PRRX1: variants seen among roughly 807,000 people sequenced by gnomAD.
The protein encoded by PRRX1 is paired related homeobox 1, also known as paired mesoderm homeobox protein 1.
Under a neutral mutation model 24.0 loss-of-function variants are expected in PRRX1, and 8 were observed. The ratio of observed to expected loss-of-function variants is 0.33; its 90% CI spans 0.20 to 0.60. PRRX1 has a LOEUF of 0.60. PRRX1 is among the 20% of genes least tolerant of loss of function. The pLI, the probability that PRRX1 is intolerant of heterozygous loss-of-function variation, is 0.82. For synonymous variants in PRRX1, 160 were observed against 131.7 expected, an observed-to-expected ratio of 1.22 and a Z score of -1.47; for missense variants, 281 against 322.4, an observed-to-expected ratio of 0.87 and a Z score of 0.98.
intron 1 of PRRX1, among the ~76,000 whole-genome samples, chr1:170,666,417 CAA>C (rs35075394): frequency 0.011 from 857 of 75,872 alleles, 10 homozygotes; most frequent in African/African-American, 0.04. Flanking sequence ...GACTCCGTCT[CAA>C]AAAAAAAAAA....
At chr1:170,691,796 G>T (rs2101898582) in intron 1 of PRRX1, among the ~76,000 whole-genome samples, 1 of 152,026 alleles carries the variant, frequency 6.6e-6, no homozygotes, top group African/African-American at 2.4e-5. Context: ...TAGTCCAAAT[G>T]GTTTAACGTA....
At chr1:170,673,874 C>G (rs1365822169) in intron 1 of PRRX1, among the ~76,000 whole-genome samples, 1 of 152,186 alleles carries the variant, frequency 6.6e-6, no homozygotes, top group Non-Finnish European at 1.5e-5. Context: ...GTTTAAGTCT[C>G]TATCCTGGCT....
intron 1 of PRRX1, among the ~76,000 whole-genome samples, chr1:170,717,459 G>T (rs1260485599): frequency 6.6e-6 from 1 of 152,218 alleles, no homozygotes; most frequent in Non-Finnish European, 1.5e-5. Context: ...TTTATAATTT[G>T]TGGTTGCACC....
At position 170,736,758 on chromosome 1, in the gene PRRX1, G is replaced by GT. The variant is rs58473244; in HGVS notation, c.*577dup. The GT allele has an allele frequency of 0.27, 51,715 of 190,212 alleles. 7,580 individuals are homozygous for GT. The highest frequency in any genetic ancestry group is 0.42 in the Middle Eastern group (221 of 532). 11.8% of individuals were successfully genotyped at this position (190,212 alleles called of 1,614,324 possible). On this transcript the variant is annotated 3_prime_UTR_variant, in exon 4 of 4. Coordinates refer to ENST00000239461, the MANE Select transcript of PRRX1 (RefSeq NM_022716.4). ...CTCCATCTTTGTTGGTCATGGTAAG[G>GT]TTTTTCCATCAGCCTCTGAAAAAAT...
At chr1:170,733,056 T>C (rs1655488984) in intron 3 of PRRX1, among the ~76,000 whole-genome samples, 1 of 152,166 alleles carries the variant, frequency 6.6e-6, no homozygotes, top group South Asian at 2.1e-4. Context: ...CATTAATTTG[T>C]TTTTGAGATA....
chr1:170,726,757 C>T, intron 3 of PRRX1: 1 of 194,792 alleles, frequency 5.1e-6, no homozygotes, highest in Non-Finnish European at 1.1e-5. Flanking sequence ...CAAATTTAAG[C>T]TAAATTCGTT....
At position 170,731,358 on chromosome 1, in the gene PRRX1, T is replaced by C. The variant is rs143559066; in HGVS notation, c.600-4690T>C. Among the ~76,000 whole-genome samples the C allele has an allele frequency of 7.4e-3, 1,122 of 152,294 alleles. 10 individuals are homozygous for C. Among genetic ancestry groups the C allele is most frequent in the African/African-American group, 0.026 (1,079 of 41,570 alleles). ...AACCCAAGGATTTCAGGAAAACTCA[T>C]AGACTTCTCGGCTGACAGATTTGTC... On this transcript the variant is annotated intron_variant, in intron 3 of 3. Transcript: ENST00000239461.
intron 1 of PRRX1, among the ~76,000 whole-genome samples, chr1:170,701,541 G>T (rs1334391497): frequency 2.6e-5 from 4 of 152,020 alleles, no homozygotes; most frequent in African/African-American, 7.2e-5. Flanking sequence ...TGCTTGTTTT[G>T]TTCAAGAATT....
Position 170,705,919 on chromosome 1 carries a change from CACACACACACACACAT to C in PRRX1, c.242-13791_242-13776del, listed in dbSNP as rs1034728177. ...TAAGTCACACATATACCCACATAGA[CACACACACACACACAT>C]ACACACACACACACACACACACACA... On this transcript the variant is annotated intron_variant, in intron 1 of 3. Coordinates refer to ENST00000239461, the MANE Select transcript of PRRX1 (RefSeq NM_022716.4). Among the ~76,000 whole-genome samples the C allele has an allele frequency of 2.4e-5, 3 of 122,512 alleles. No individual in the cohort carries two copies. In the East Asian group the frequency reaches 7.2e-4, roughly 29 times the overall value. 80.4% of individuals were successfully genotyped at this position (122,512 alleles called of 152,430 possible). A position where few individuals can be genotyped will look rare whatever the true frequency, so the allele number is the denominator to read the frequency against.
intron 2 of PRRX1, among the ~76,000 whole-genome samples, chr1:170,724,008 A>G (rs1655172618): frequency 6.6e-6 from 1 of 152,246 alleles, no homozygotes; most frequent in Non-Finnish European, 1.5e-5. Flanking sequence ...GTAAAATAGA[A>G]ATAATAAAAC....
chr1:170,722,378 CT>C (rs1171381554), intron 2 of PRRX1, among the ~76,000 whole-genome samples: 3 of 152,148 alleles, frequency 2.0e-5, no homozygotes, highest in African/African-American at 7.2e-5. Context: ...TTCTTTTCCT[CT>C]TTTTTTCCTC....
intron 1 of PRRX1, among the ~76,000 whole-genome samples, chr1:170,669,769 C>A (rs911162203): frequency 6.6e-6 from 1 of 152,072 alleles, no homozygotes; most frequent in Non-Finnish European, 1.5e-5. Context: ...TGCATTGCGA[C>A]CCCCGGCGCG....
Position 170,664,468 on chromosome 1 carries a change from G to A in PRRX1, c.241+9G>A. On this transcript the variant is annotated intron_variant, in intron 1 of 3. Transcript: ENST00000239461. ...CACCCCGCAGCAGGACAGTGAGTGA[G>A]GGGCGCATGCCCACGGGGGTGTGTG... is the stretch of plus-strand genomic sequence containing the variant. 6.3e-7 allele frequency: 1 copy of A among 1,594,150 alleles called. No individual in the cohort carries two copies. Among genetic ancestry groups the A allele is most frequent in the Non-Finnish European group, 8.5e-7 (1 of 1,171,240 alleles).
intron 3 of PRRX1, among the ~76,000 whole-genome samples, chr1:170,733,617 T>TGGA (rs1287970228): frequency 6.6e-6 from 1 of 152,204 alleles, no homozygotes; most frequent in African/African-American, 2.4e-5. Flanking sequence ...GCTTCTCTTC[T>TGGA]ATGTGTTTAC....
Position 170,664,217 on chromosome 1 carries a change from C to G in PRRX1, c.-2C>G. The G allele has an allele frequency of 7.5e-6, 12 of 1,609,678 alleles. No homozygotes were observed. Among genetic ancestry groups the G allele is most frequent in the Non-Finnish European group, 1.0e-5 (12 of 1,178,576 alleles). ...GGGTGGGTGGGATCGGTGGGGGAGA[C>G]CATGACCTCCAGCTACGGGCACGTT... On this transcript the variant is annotated 5_prime_UTR_variant, in exon 1 of 4. Coordinates refer to ENST00000239461, the MANE Select transcript of PRRX1 (RefSeq NM_022716.4).
At chr1:170,734,210 G>T (rs1477252154) in intron 3 of PRRX1, among the ~76,000 whole-genome samples, 1 of 143,226 alleles carries the variant, frequency 7.0e-6, no homozygotes, top group Non-Finnish European at 1.5e-5. Context: ...ATGAATAAAA[G>T]CATATTGGTA....
chr1:170,706,146 T>C (rs1249813373), intron 1 of PRRX1, among the ~76,000 whole-genome samples: 1 of 152,230 alleles, frequency 6.6e-6, no homozygotes, highest in Non-Finnish European at 1.5e-5. Flanking sequence ...ATTCATGCAA[T>C]GTTGAAATAA....
chr1:170,716,745 T>C (rs910664750), intron 1 of PRRX1, among the ~76,000 whole-genome samples: 5 of 152,184 alleles, frequency 3.3e-5, no homozygotes, highest in African/African-American at 1.2e-4. Context: ...ACTGTAGTTG[T>C]TTTTGCAAGA....
chr1:170,724,637 C>A (rs1482449333), intron 2 of PRRX1, among the ~76,000 whole-genome samples: 1 of 152,120 alleles, frequency 6.6e-6, no homozygotes, highest in East Asian at 1.9e-4. Flanking sequence ...TTCCATTGGT[C>A]TGTGTGTGTG....
Sources: gnomAD v4.1 joint callset for allele counts (sites outside exome capture counted in the v4.1 genomes callset) on GRCh38, gnomAD v4.1.1 for gene constraint, MANE v1.5 for transcripts, NCBI Gene and HGNC (gene_info 2026-07-23, HGNC 2026-07-21) for gene names.